The following DPYD variants were observed in gnomAD, a reference collection of about 807,000 sequenced individuals.
DPYD encodes dihydropyrimidine dehydrogenase.
A neutral mutation model predicts 116.2 loss-of-function variants in DPYD; 109 were observed. The ratio of observed to expected loss-of-function variants is 0.94; its 90% CI spans 0.80 to 1.10. The LOEUF (loss-of-function observed/expected upper bound fraction) is 1.10, where lower values mean the gene tolerates loss of function less well. DPYD is among the 50% of genes least tolerant of loss of function. The pLI, the probability that DPYD is intolerant of heterozygous loss-of-function variation, is 0.00. For synonymous variants in DPYD, 440 were observed against 432.0 expected, an observed-to-expected ratio of 1.02 and a Z score of -0.23; for missense variants, 1,302 against 1,254.5, an observed-to-expected ratio of 1.04 and a Z score of -0.57.
chr1:97,575,504 C>T (rs1389251636), intron 10 of DPYD, among the ~76,000 whole-genome samples: 1 of 152,080 alleles, frequency 6.6e-6, no homozygotes, highest in Non-Finnish European at 1.5e-5. Context: ...TGAAGCTATT[C>T]AATCTATGTC....
intron 7 of DPYD, among the ~76,000 whole-genome samples, chr1:97,688,100 C>T (rs1039120810): frequency 7.2e-5 from 11 of 152,186 alleles, no homozygotes; most frequent in Admixed American, 2.6e-4. Context: ...AACAAATCTA[C>T]GCATCCTGCA....
At chr1:97,706,187 T>C in intron 5 of DPYD, among the ~76,000 whole-genome samples, 1 of 152,164 alleles carries the variant, frequency 6.6e-6, no homozygotes, top group South Asian at 2.1e-4. Flanking sequence ...TTCTAGCCAC[T>C]CTACTAACAA....
intron 8 of DPYD, among the ~76,000 whole-genome samples, chr1:97,662,389 T>C (rs1476800454): frequency 6.6e-6 from 1 of 151,490 alleles, no homozygotes. Context: ...AGTGCTCACT[T>C]TGGGAGGCTG....
At chr1:97,215,658 C>A (rs1035059021) in intron 19 of DPYD, among the ~76,000 whole-genome samples, 1 of 152,126 alleles carries the variant, frequency 6.6e-6, no homozygotes, top group Non-Finnish European at 1.5e-5. Flanking sequence ...ACTGAGGGCA[C>A]TTGTAGTTTC....
At chr1:97,884,873 T>A (rs532010219) in intron 1 of DPYD, among the ~76,000 whole-genome samples, 72 of 152,172 alleles carry the variant, frequency 4.7e-4, no homozygotes, top group Non-Finnish European at 8.2e-4. Flanking sequence ...AAATCATAAA[T>A]ATAATTTTTA....
chr1:97,559,660 A>G (rs1292835398), intron 11 of DPYD, among the ~76,000 whole-genome samples: 1 of 151,376 alleles, frequency 6.6e-6, no homozygotes, highest in Non-Finnish European at 1.5e-5. Context: ...TTTCCTTGTC[A>G]ATCGTCAGTA....
rs185935435 is a variant in DPYD at position 97,515,213 on chromosome 1, T to C, written c.1740+513A>G. The stretch of plus-strand genomic sequence containing the variant: ...TTTATTTCCTACTAAGTATAAGATG[T>C]CCACTTCTGGTTAAGTACAAAGTCA... On this transcript the variant is annotated intron_variant, in intron 13 of 22. Coordinates refer to ENST00000370192, the MANE Select transcript of DPYD (RefSeq NM_000110.4). Among the ~76,000 whole-genome samples the C allele has an allele frequency of 2.3e-4, 35 of 152,084 alleles. No homozygotes were observed. The East Asian group carries it at 5.2e-3, about 23-fold the overall frequency.
In DPYD at chr1:97,581,764, A is replaced by G. The variant is rs12034814; in HGVS notation, c.1129-7794T>C. The stretch of plus-strand genomic sequence containing the variant: ...CTGTCTCAAAAAAAAAAAAAAAAAA[A>G]AAAGAAAGGACAGCATGGAAAAGGT... On this transcript the variant is annotated intron_variant, in intron 10 of 22. Transcript: ENST00000370192. 1.4e-3 allele frequency among the ~76,000 whole-genome samples: 219 copies of G among 151,368 alleles called. 5 individuals are homozygous for G. The East Asian group carries it at 0.039, about 27-fold the overall frequency.
At chr1:97,473,226 A>C (rs1677757392) in intron 13 of DPYD, among the ~76,000 whole-genome samples, 1 of 152,224 alleles carries the variant, frequency 6.6e-6, no homozygotes, top group South Asian at 2.1e-4. Flanking sequence ...ACAATACAGT[A>C]GTACTTGTCT....
chr1:97,361,053 G>A (rs780955832), intron 16 of DPYD, among the ~76,000 whole-genome samples: 4 of 151,922 alleles, frequency 2.6e-5, no homozygotes, highest in East Asian at 3.9e-4. Context: ...TTGATAGAAC[G>A]CTAGCAAGAC....
intron 12 of DPYD, among the ~76,000 whole-genome samples, chr1:97,532,089 A>C (rs2786785): frequency 6.6e-6 from 1 of 151,658 alleles, no homozygotes; most frequent in Non-Finnish European, 1.5e-5. Context: ...TCTTCTTGTT[A>C]TCTGATATGG....
At chr1:97,228,980 G>A (rs1472575676) in intron 19 of DPYD, among the ~76,000 whole-genome samples, 1 of 151,844 alleles carries the variant, frequency 6.6e-6, no homozygotes, top group Non-Finnish European at 1.5e-5. Context: ...GGCGGATCAC[G>A]AGGTCAGGAG....
At chr1:97,453,922 T>C (rs1676551326) in intron 13 of DPYD, among the ~76,000 whole-genome samples, 1 of 152,056 alleles carries the variant, frequency 6.6e-6, no homozygotes, top group African/African-American at 2.4e-5. Context: ...TGATTTATAA[T>C]AGAGAATGTT....
chr1:97,414,298 T>G (rs1366915966), intron 14 of DPYD, among the ~76,000 whole-genome samples: 1 of 152,200 alleles, frequency 6.6e-6, no homozygotes. Context: ...CTTGGTTGAG[T>G]AGACAATTTC....
intron 21 of DPYD, among the ~76,000 whole-genome samples, chr1:97,085,818 T>C (rs1419820401): frequency 1.3e-5 from 2 of 152,164 alleles, no homozygotes; most frequent in Non-Finnish European, 2.9e-5. Flanking sequence ...ATTACACCCA[T>C]TTGGATGTAT....
At chr1:97,529,705 TTTC>T (rs1332428688) in intron 12 of DPYD, among the ~76,000 whole-genome samples, 5 of 151,482 alleles carry the variant, frequency 3.3e-5, no homozygotes, top group African/African-American at 9.7e-5. Context: ...TCCTTTCTTT[TTTC>T]TTTCTTCCTT....
At chr1:97,283,613 T>C (rs535197179) in intron 18 of DPYD, among the ~76,000 whole-genome samples, 6 of 152,252 alleles carry the variant, frequency 3.9e-5, no homozygotes, top group African/African-American at 1.2e-4. Context: ...TATAACTCAA[T>C]TTAATATAAC....
intron 13 of DPYD, among the ~76,000 whole-genome samples, chr1:97,510,465 C>G (rs886737457): frequency 1.8e-4 from 27 of 151,778 alleles, no homozygotes; most frequent in Admixed American, 1.4e-3. Flanking sequence ...AAACTAAAAC[C>G]AAATAATCTC....
intron 8 of DPYD, among the ~76,000 whole-genome samples, 191 bp downstream of exon 8, chr1:97,678,904 A>C (rs2100916569): frequency 6.6e-6 from 1 of 152,270 alleles, no homozygotes; most frequent in Admixed American, 6.5e-5. Flanking sequence ...ATCTCTCCAT[A>C]ATTAAGGTGA....
Sources: allele counts gnomAD v4.1 joint callset (sites outside exome capture counted in the v4.1 genomes callset), GRCh38; gene constraint gnomAD v4.1.1; transcripts MANE v1.5; gene names NCBI Gene and HGNC (gene_info 2026-07-23, HGNC 2026-07-21).